Variants in SHQ1 observed in about 807,000 individuals in gnomAD.
The protein encoded by SHQ1 is protein SHQ1 homolog.
In SHQ1, 49 loss-of-function variants were observed where a neutral mutation model predicts 53.8. The ratio of observed to expected loss-of-function variants is 0.91; its 90% CI spans 0.72 to 1.16. The LOEUF is 1.16. Among genes scored for constraint, SHQ1 ranks in the 50% most tolerant of loss-of-function variants. The pLI is 0.00. For missense variants in SHQ1, 738 were observed against 683.1 expected (o/e 1.08, Z -0.90); for synonymous variants, 243 against 251.0 (o/e 0.97, Z 0.30).
chr3:72,819,323 A>G (rs1223283034), intron 6 of SHQ1, among the ~76,000 whole-genome samples: 1 of 152,148 alleles, frequency 6.6e-6, no homozygotes, highest in Non-Finnish European at 1.5e-5. Context: ...CAAATTAAGA[A>G]TCCTGTATAT....
At position 72,841,049 on chromosome 3, in the gene SHQ1, A is replaced by T. The variant is rs1708164541; in HGVS notation, c.482T>A (p.Leu161Ter). The part of the protein sequence containing the change: ...GNLRSGVLQR[L>*]QDELSDVIDI... ...TCTTTCAGAAAGACAACATACCTGTAACCGTTGCAACACTCCTGATCGTAA... is the reference window on the plus strand; with the variant it reads ...TCTTTCAGAAAGACAACATACCTGTTACCGTTGCAACACTCCTGATCGTAA... Residue 161 changes from leucine (L) to a stop codon, truncating the protein, a stop_gained, in exon 4 of 11, where the codon TTA becomes TAA. Coordinates refer to ENST00000325599, the MANE Select transcript of SHQ1 (RefSeq NM_018130.3). LOFTEE classifies it high-confidence loss of function. The T allele has an allele frequency of 6.2e-7, 1 of 1,609,278 alleles. No homozygotes were observed. Among genetic ancestry groups the T allele is most frequent in the Admixed American group, 1.7e-5 (1 of 58,694 alleles).
rs1269217519 is a variant in SHQ1, at chr3:72,750,436, A to G, written c.1582T>C (p.Ser528Pro). 6.2e-7 allele frequency: 1 copy of G among 1,614,192 alleles called. No individual in the cohort carries two copies. The highest frequency in any genetic ancestry group is 2.2e-5 in the East Asian group (1 of 44,884). ...SDASQGKPLA[S>P]SWPLGVSGPL... ...CCAGACACTCCAAGAGGCCAGGAAG[A>G]GGCAAGTGGCTTTCCCTGACTGGCA... The change falls in exon 11 of 11, where the codon TCT becomes CCT. Residue 528 changes from serine (S) to proline (P), a missense_variant. Transcript: ENST00000325599.
intron 9 of SHQ1, 76 bp downstream of exon 9, chr3:72,812,595 A>C (rs1707158232): frequency 1.3e-6 from 2 of 1,548,664 alleles, no homozygotes; most frequent in Admixed American, 1.9e-5. Flanking sequence ...AAAAGCAAAA[A>C]TCATTATTAT....
At chr3:72,808,294 G>A (rs1327116513) in intron 9 of SHQ1, among the ~76,000 whole-genome samples, 9 of 152,132 alleles carry the variant, frequency 5.9e-5, no homozygotes, top group Non-Finnish European at 1.0e-4. Flanking sequence ...CAATCAACTT[G>A]TAGCCAACCT....
intron 10 of SHQ1, among the ~76,000 whole-genome samples, chr3:72,755,258 G>GGATA (rs1705475953): frequency 6.7e-6 from 1 of 149,276 alleles, no homozygotes; most frequent in African/African-American, 2.6e-5. Context: ...ATGGATGGAT[G>GGATA]GATGGATAGA....
At chr3:72,771,686 A>G (rs1408393672) in intron 10 of SHQ1, among the ~76,000 whole-genome samples, 1 of 152,248 alleles carries the variant, frequency 6.6e-6, no homozygotes, top group Non-Finnish European at 1.5e-5. Context: ...GCCCAAAAAG[A>G]GACCAAGATG....
chr3:72,824,747 G>C (rs1027226371), intron 5 of SHQ1, among the ~76,000 whole-genome samples, 196 bp from the exon 6 acceptor site: 1 of 149,302 alleles, frequency 6.7e-6, no homozygotes, highest in South Asian at 2.1e-4. Flanking sequence ...TAAAACAAAA[G>C]TAAGTATCTG....
intron 4 of SHQ1, among the ~76,000 whole-genome samples, chr3:72,838,045 T>C: frequency 6.7e-6 from 1 of 150,328 alleles, no homozygotes; most frequent in East Asian, 1.9e-4. Context: ...GATTCACTCT[T>C]TCAGAGTTTA....
intron 5 of SHQ1, among the ~76,000 whole-genome samples, chr3:72,828,836 T>C (rs1707744706): frequency 6.6e-6 from 1 of 152,098 alleles, no homozygotes; most frequent in African/African-American, 2.4e-5. Context: ...GAAATTGCGA[T>C]GACACACAAA....
At chr3:72,797,249 A>G (rs957753234) in intron 9 of SHQ1, among the ~76,000 whole-genome samples, 11 of 152,158 alleles carry the variant, frequency 7.2e-5, no homozygotes, top group Admixed American at 5.9e-4. Flanking sequence ...CTTGAGAGCG[A>G]GACTCCATCT....
chr3:72,835,818 A>T (rs1220212723), intron 4 of SHQ1, among the ~76,000 whole-genome samples: 5 of 152,178 alleles, frequency 3.3e-5, no homozygotes, highest in Admixed American at 3.3e-4. Context: ...ACTCAGTGCA[A>T]ATGTCACTTT....
intron 3 of SHQ1, 25 bp downstream of exon 3, chr3:72,842,241 CTATTTATCCTAATT>C (rs1559701760): frequency 3.1e-6 from 5 of 1,601,510 alleles, no homozygotes; most frequent in Non-Finnish European, 4.3e-6. Context: ...CCAAATATTT[CTATTTATCCTAATT>C]TCCTCCCAAC....
rs372633723 is a variant in SHQ1 at position 72,750,006 on chromosome 3, A to G, written c.*278T>C. 30 of 392,560 alleles carry G rather than the reference A, an allele frequency of 7.6e-5. No homozygotes were observed. In the South Asian group the frequency reaches 1.1e-3, roughly 15 times the overall value. 24.3% of individuals were successfully genotyped at this position (392,560 alleles called of 1,614,324 possible). Reference sequence around the variant, plus strand: ...TTTAAATCATCACTAGATTACTTATATTACCCAATACAATGTAAATGCTGT... The same window carrying G: ...TTTAAATCATCACTAGATTACTTATGTTACCCAATACAATGTAAATGCTGT... On this transcript the variant is annotated 3_prime_UTR_variant, in exon 11 of 11. Coordinates refer to ENST00000325599, the MANE Select transcript of SHQ1 (RefSeq NM_018130.3).
intron 9 of SHQ1, among the ~76,000 whole-genome samples, chr3:72,806,398 T>C (rs1706947108): frequency 6.6e-6 from 1 of 152,186 alleles, no homozygotes; most frequent in South Asian, 2.1e-4. Flanking sequence ...GAGAGCACTA[T>C]GATTGTTCTA....
At chr3:72,772,524 C>A in intron 10 of SHQ1, 1 of 629,718 alleles carries the variant, frequency 1.6e-6, no homozygotes, top group South Asian at 1.5e-5. Context: ...TATGACAAGT[C>A]GTACACAACC....
the SHQ1 span, among the ~76,000 whole-genome samples, chr3:72,741,353 A>G: frequency 6.6e-6 from 1 of 152,110 alleles, no homozygotes; most frequent in Non-Finnish European, 1.5e-5. Context: ...TGGGAGGCCA[A>G]GGCAGGTGGA....
At chr3:72,725,281 C>T in the SHQ1 span, among the ~76,000 whole-genome samples, 1 of 152,168 alleles carries the variant, frequency 6.6e-6, no homozygotes, top group Admixed American at 6.5e-5. Flanking sequence ...ACCACGCACA[C>T]TCAGGCTTTA....
At chr3:72,815,475 A>G in intron 7 of SHQ1, 72 bp from the exon 8 acceptor site, 2 of 1,178,418 alleles carry the variant, frequency 1.7e-6, no homozygotes, top group South Asian at 2.5e-5. Context: ...AAACAAATCC[A>G]TTTATTCAAC....
At chr3:72,782,372 T>C (rs1020196558) in intron 10 of SHQ1, among the ~76,000 whole-genome samples, 1 of 152,164 alleles carries the variant, frequency 6.6e-6, no homozygotes, top group African/African-American at 2.4e-5. Flanking sequence ...GAATAATCAA[T>C]GAAAAAAACT....
Sources: gnomAD v4.1 joint callset for allele counts (sites outside exome capture counted in the v4.1 genomes callset) on GRCh38, gnomAD v4.1.1 for gene constraint, MANE v1.5 for transcripts, NCBI Gene and HGNC (gene_info 2026-07-23, HGNC 2026-07-21) for gene names.